The following MARCHF10 variants were observed in gnomAD, a reference collection of about 807,000 sequenced individuals.
The protein encoded by MARCHF10 is probable E3 ubiquitin-protein ligase MARCHF10.
A neutral mutation model predicts 76.2 loss-of-function variants in MARCHF10; 64 were observed. That is an observed-to-expected ratio of 0.84 (90% CI 0.69 to 1.03). The LOEUF is 1.03. Among genes scored for constraint, MARCHF10 ranks in the 50% least tolerant of loss-of-function variants. The pLI is 0.00. For synonymous variants in MARCHF10, 340 were observed against 357.5 expected (o/e 0.95, Z 0.55); for missense variants, 875 against 958.0 (o/e 0.91, Z 1.14).
intron 6 of MARCHF10, among the ~76,000 whole-genome samples, chr17:62,728,631 C>T (rs1018410248): frequency 4.6e-5 from 7 of 151,776 alleles, no homozygotes; most frequent in African/African-American, 1.7e-4. Flanking sequence ...TTGGCAGCTG[C>T]TATGTAAAAG....
intron 3 of MARCHF10, among the ~76,000 whole-genome samples, chr17:62,782,231 G>A (rs931181791): frequency 2.0e-5 from 3 of 151,982 alleles, no homozygotes; most frequent in Non-Finnish European, 2.9e-5. Context: ...CTTCCCTTGA[G>A]AGACTAGCTC....
At position 62,790,458 on chromosome 17, in the gene MARCHF10, G is replaced by A. The variant is rs547835936; in HGVS notation, c.91-1859C>T. Among the ~76,000 whole-genome samples the A allele has an allele frequency of 3.6e-4, 55 of 152,366 alleles. 1 individual carries two copies. The highest frequency in any genetic ancestry group is 4.1e-4 in the Non-Finnish European group (28 of 68,038). On this transcript the variant is annotated intron_variant, in intron 2 of 10. Coordinates refer to ENST00000311269, the MANE Select transcript of MARCHF10 (RefSeq NM_152598.4). ...CCCAAAGTGCTGAGATTACAGGCAT[G>A]AGCCGCCACACCCAGCCCAGTAAAA... is the stretch of plus-strand genomic sequence containing the variant.
At chr17:62,716,586 C>T (rs2090210815) in intron 8 of MARCHF10, among the ~76,000 whole-genome samples, 1 of 151,656 alleles carries the variant, frequency 6.6e-6, no homozygotes, top group East Asian at 1.9e-4. Context: ...CTGTGTATCA[C>T]CATTTTAATA....
At chr17:62,783,090 G>A (rs1208495565) in intron 3 of MARCHF10, among the ~76,000 whole-genome samples, 1 of 151,526 alleles carries the variant, frequency 6.6e-6, no homozygotes, top group Non-Finnish European at 1.5e-5. Flanking sequence ...GGAGAAAACT[G>A]AGATTATGTA....
At chr17:62,799,875 T>A (rs558077112) in intron 2 of MARCHF10, among the ~76,000 whole-genome samples, 1 of 152,242 alleles carries the variant, frequency 6.6e-6, no homozygotes, top group Non-Finnish European at 1.5e-5. Flanking sequence ...TCATCCGGGC[T>A]GGTTCCTGCC....
In MARCHF10 at chr17:62,738,899, C is replaced by A. The variant is rs996281862; in HGVS notation, c.536-1567G>T. Among the ~76,000 whole-genome samples, 1 of 152,244 alleles carries A rather than the reference C, an allele frequency of 6.6e-6. No individual in the cohort carries two copies. Among genetic ancestry groups the A allele is most frequent in the Admixed American group, 6.5e-5 (1 of 15,294 alleles). On this transcript the variant is annotated intron_variant, in intron 5 of 10. Coordinates refer to ENST00000311269, the MANE Select transcript of MARCHF10 (RefSeq NM_152598.4). The surrounding 1 kb of genome is among the most constrained non-coding windows in gnomAD (Gnocchi z 4.0). ...ATGCTTTGAGCATCTGGCTGTGGAA[C>A]TACAGCGCTGGAGCTGGTGGCGAGG...
intron 8 of MARCHF10, among the ~76,000 whole-genome samples, chr17:62,716,692 C>CA (rs57272099): frequency 0.042 from 5,490 of 129,792 alleles, 147 homozygotes; most frequent in African/African-American, 0.087. Flanking sequence ...TAAACAAAAG[C>CA]AAAAAAAAAA....
At chr17:62,770,570 C>G (rs1360650269) in intron 3 of MARCHF10, among the ~76,000 whole-genome samples, 1 of 138,032 alleles carries the variant, frequency 7.2e-6, no homozygotes, top group African/African-American at 2.6e-5. Flanking sequence ...GAGACAGAGT[C>G]TTGCTCTGTC....
Position 62,722,556 on chromosome 17 carries a change from G to A in MARCHF10, c.2146C>T (p.Gln716Ter), listed in dbSNP as rs773881895. ...GAVKTCEMCK[Q>*]GLLVDLGDFN... ...TCACCCAGGTCAACCAGCAGGCCTTGCTTACACATCTCACAGGTCTTCACG... is the reference window on the plus strand; with the variant it reads ...TCACCCAGGTCAACCAGCAGGCCTTACTTACACATCTCACAGGTCTTCACG... The change falls in exon 8 of 11, where the codon CAA becomes TAA. Residue 716 changes from glutamine (Q) to a stop codon, truncating the protein, a stop_gained. Transcript: ENST00000311269. LOFTEE classifies it high-confidence loss of function. The A allele has an allele frequency of 6.2e-7, 1 of 1,614,006 alleles. No individual in the cohort carries two copies. The highest frequency in any genetic ancestry group is 1.7e-5 in the Admixed American group (1 of 60,010).
chr17:62,775,346 G>T (rs1340797166), intron 3 of MARCHF10, among the ~76,000 whole-genome samples: 2 of 151,946 alleles, frequency 1.3e-5, no homozygotes, highest in African/African-American at 4.8e-5. Flanking sequence ...GGCTGGCCTT[G>T]AACTCCCGAC....
intron 5 of MARCHF10, among the ~76,000 whole-genome samples, 180 bp downstream of exon 5, chr17:62,744,196 A>G (rs2091618806): frequency 6.6e-6 from 1 of 152,192 alleles, no homozygotes; most frequent in Non-Finnish European, 1.5e-5. Context: ...CTTGGAGGAA[A>G]AAAAACGCCA....
rs67106553 is a variant in MARCHF10, at chr17:62,767,450, C to CCTTTTTTTTT, written c.211-7445_211-7444insAAAAAAAAAG. On this transcript the variant is annotated intron_variant, in intron 3 of 10. Coordinates refer to ENST00000311269, the MANE Select transcript of MARCHF10 (RefSeq NM_152598.4). ...AGCTTTGAATTGGTGGGTCTGTATT[C>CCTTTTTTTTT]TTTTTTTTTTTTTTTTTTGAGATGG... is the stretch of plus-strand genomic sequence containing the variant. Among the ~76,000 whole-genome samples the CCTTTTTTTTT allele has an allele frequency of 1.2e-4, 16 of 134,794 alleles. 2 individuals are homozygous for CCTTTTTTTTT. Among genetic ancestry groups the CCTTTTTTTTT allele is most frequent in the East Asian group, 4.4e-4 (2 of 4,548 alleles). The allele number at this position is 134,794 out of a possible 152,430, so 88.4% of individuals were successfully genotyped here. A position where few individuals can be genotyped will look rare whatever the true frequency, so the allele number is the denominator to read the frequency against.
intron 3 of MARCHF10, among the ~76,000 whole-genome samples, chr17:62,762,399 G>A (rs1331623218): frequency 1.3e-5 from 2 of 152,190 alleles, no homozygotes; most frequent in Non-Finnish European, 2.9e-5. Flanking sequence ...GTTGTAAACC[G>A]AAGGTACAAT....
intron 8 of MARCHF10, among the ~76,000 whole-genome samples, chr17:62,717,697 T>A (rs1418916551): frequency 2.0e-5 from 3 of 152,204 alleles, no homozygotes; most frequent in Non-Finnish European, 4.4e-5. Context: ...TGGCTGATCC[T>A]TAGCTACAGC....
chr17:62,787,551 T>C (rs1192397376), intron 3 of MARCHF10, among the ~76,000 whole-genome samples: 3 of 152,274 alleles, frequency 2.0e-5, no homozygotes, highest in East Asian at 1.9e-4. Flanking sequence ...AGCTCTTACA[T>C]AGGGTAAGTT....
intron 2 of MARCHF10, among the ~76,000 whole-genome samples, chr17:62,796,129 C>T (rs1349567968): frequency 2.0e-5 from 3 of 151,928 alleles, no homozygotes; most frequent in African/African-American, 7.3e-5. Context: ...CTCAGTCTCC[C>T]GAGTAGCTGG....
At chr17:62,788,655 CT>C (rs2092786802) in intron 2 of MARCHF10, 56 bp from the exon 3 acceptor site, 2 of 1,608,128 alleles carry the variant, frequency 1.2e-6, no homozygotes, top group Non-Finnish European at 1.7e-6. Context: ...GCTTGGGTAA[CT>C]TTATGCTTAA....
At chr17:62,705,025 C>T in intron 10 of MARCHF10, 1 of 993,630 alleles carries the variant, frequency 1.0e-6, no homozygotes, top group Non-Finnish European at 1.2e-6. Flanking sequence ...GTCTTGCCCG[C>T]TTTGAGGGCC....
intron 9 of MARCHF10, among the ~76,000 whole-genome samples, chr17:62,710,961 T>C (rs1251805739): frequency 6.6e-6 from 1 of 152,142 alleles, no homozygotes; most frequent in Admixed American, 6.5e-5. Context: ...GGGGCAAATA[T>C]CCTAGAGGCT....
Sources: allele counts gnomAD v4.1 joint callset (sites outside exome capture counted in the v4.1 genomes callset), GRCh38; gene constraint gnomAD v4.1.1; non-coding constraint Gnocchi (gnomAD v3.1); transcripts MANE v1.5; gene names NCBI Gene and HGNC (gene_info 2026-07-23, HGNC 2026-07-21).